Variants in SFTPA1 observed in about 807,000 individuals in gnomAD.
SFTPA1 encodes the protein pulmonary surfactant-associated protein A1.
In SFTPA1, 13 loss-of-function variants were observed where a neutral mutation model predicts 19.1. The observed-to-expected ratio is 0.68, with a 90% CI of 0.44 to 1.08. The LOEUF is 1.08. Among genes scored for constraint, SFTPA1 ranks in the 50% least tolerant of loss-of-function variants. SFTPA1 has a pLI of 0.00. For missense variants in SFTPA1, 259 were observed against 316.4 expected (o/e 0.82, Z 1.38); for synonymous variants, 101 against 117.0 (o/e 0.86, Z 0.88).
At position 79,614,889 on chromosome 10, in the gene SFTPA1, T is replaced by C. The variant is rs1860079317; in HGVS notation, c.*776T>C. On this transcript the variant is annotated 3_prime_UTR_variant, in exon 6 of 6. Transcript: ENST00000398636. Reference sequence around the variant, plus strand: ...ACCCTACTTCAGATTTCAGTGGGCATTCACACCACCCCCCACACCACTGGC... The same window carrying C: ...ACCCTACTTCAGATTTCAGTGGGCACTCACACCACCCCCCACACCACTGGC... 10 of 905,472 alleles carry C rather than the reference T, an allele frequency of 1.1e-5. No homozygotes were observed. The highest frequency in any genetic ancestry group is 1.1e-5 in the Non-Finnish European group (7 of 654,102). 56.1% of individuals were successfully genotyped at this position (905,472 alleles called of 1,614,324 possible). A position where few individuals can be genotyped will look rare whatever the true frequency, so the allele number is the denominator to read the frequency against.
At chr10:79,613,662 G>A in intron 5 of SFTPA1, 75 bp from the exon 6 acceptor site, 1 of 1,611,022 alleles carries the variant, frequency 6.2e-7, no homozygotes, top group South Asian at 1.1e-5. Context: ...GAATCTGGTA[G>A]CAGAGACCCC....
Position 79,613,939 on chromosome 10 carries a change from G to C in SFTPA1, c.573G>C (p.Glu191Asp). The C allele has an allele frequency of 6.2e-7, 1 of 1,614,090 alleles. No homozygotes were observed. The highest frequency in any genetic ancestry group is 1.3e-5 in the African/African-American group (1 of 75,046). Residue 191 changes from glutamate to aspartate, a missense_variant, in exon 6 of 6, where the codon GAG becomes GAC. Coordinates refer to ENST00000398636, the MANE Select transcript of SFTPA1 (RefSeq NM_005411.5). The stretch of plus-strand genomic sequence containing the variant: ...CATATGCCTATGTAGGCCTGACTGA[G>C]GGTCCCAGCCCTGGAGACTTCCGCT... ...YNTYAYVGLT[E>D]GPSPGDFRYS...
chr10:79,614,335 A>C lies in SFTPA1; in HGVS notation c.*222A>C. The C allele has an allele frequency of 5.7e-6, 4 of 704,582 alleles. No individual in the cohort carries two copies. The South Asian group carries it at 7.7e-5, about 14-fold the overall frequency. 43.6% of individuals were successfully genotyped at this position (704,582 alleles called of 1,614,324 possible). A position where few individuals can be genotyped will look rare whatever the true frequency, so the allele number is the denominator to read the frequency against. On this transcript the variant is annotated 3_prime_UTR_variant, in exon 6 of 6. Coordinates refer to ENST00000398636, the MANE Select transcript of SFTPA1 (RefSeq NM_005411.5). ...CACTCCCCTTGCAAACTCTCCCAGC[A>C]CTGCACCCCAGGCAGCCACTCTTAG...
rs781220274 is a variant in SFTPA1 at position 79,611,858 on chromosome 10, C to T, written c.33C>T (p.Ile11=). The T allele has an allele frequency of 6.2e-7, 1 of 1,614,030 alleles. No homozygotes were observed. The stretch of plus-strand genomic sequence containing the variant: ...TGTGCCCTCTGGCCCTCAACCTCAT[C>T]TTGATGGCAGCCTCTGGTGCTGTGT... MWLCPLALNL[I]LMAASGAVCE... is the part of the protein sequence containing the mutation. Residue 11 remains isoleucine (I), a synonymous_variant, in exon 3 of 6, where the codon ATC becomes ATT. Transcript: ENST00000398636.
chr10:79,615,178 A>G lies in SFTPA1; in HGVS notation c.*1065A>G. 9.6e-7 allele frequency: 1 copy of G among 1,045,182 alleles called. No homozygotes were observed. Among genetic ancestry groups the G allele is most frequent in the Non-Finnish European group, 1.3e-6 (1 of 773,718 alleles). The allele number at this position is 1,045,182 out of a possible 1,614,324, so 64.7% of individuals were successfully genotyped here. On this transcript the variant is annotated 3_prime_UTR_variant, in exon 6 of 6. Coordinates refer to ENST00000398636, the MANE Select transcript of SFTPA1 (RefSeq NM_005411.5). ...ATTGACTGAGCACCTATCATTTGCC[A>G]AGAACCTTGACAAGCACTTCTAATA...
Position 79,614,866 on chromosome 10 carries a change from C to A in SFTPA1, c.*753C>A. Reference sequence around the variant, plus strand: ...TTTCAACTGATGAACAAATCTGCACCCTACTTCAGATTTCAGTGGGCATTC... The same window carrying A: ...TTTCAACTGATGAACAAATCTGCACACTACTTCAGATTTCAGTGGGCATTC... On this transcript the variant is annotated 3_prime_UTR_variant, in exon 6 of 6. Coordinates refer to ENST00000398636, the MANE Select transcript of SFTPA1 (RefSeq NM_005411.5). The A allele has an allele frequency of 1.5e-6, 1 of 677,656 alleles. No individual in the cohort carries two copies. The highest frequency in any genetic ancestry group is 2.2e-6 in the Non-Finnish European group (1 of 448,928). 42.0% of individuals were successfully genotyped at this position (677,656 alleles called of 1,614,324 possible).
At chr10:79,611,528 G>A (rs538894097) in intron 2 of SFTPA1, 139 bp downstream of exon 2, 2 of 1,494,716 alleles carry the variant, frequency 1.3e-6, no homozygotes, top group Non-Finnish European at 1.8e-6. Flanking sequence ...GACTGCACTG[G>A]AGCCCAGGTC....
At chr10:79,612,150 G>C (rs906790393) in intron 3 of SFTPA1, among the ~76,000 whole-genome samples, 153 bp downstream of exon 3, 1 of 152,168 alleles carries the variant, frequency 6.6e-6, no homozygotes, top group East Asian at 1.9e-4. Context: ...GGGTTCCTGG[G>C]GCCCTTATGA....
At position 79,614,143 on chromosome 10, in the gene SFTPA1, C is replaced by A; in HGVS notation, c.*30C>A. ...CATTTAGGCCATGGGACAGGGAGGA[C>A]GCTCTCTGGCCTTCGGCCTCCATCC... On this transcript the variant is annotated 3_prime_UTR_variant, in exon 6 of 6. Transcript: ENST00000398636. 6.2e-7 allele frequency: 1 copy of A among 1,614,200 alleles called. No individual in the cohort carries two copies. The highest frequency in any genetic ancestry group is 8.5e-7 in the Non-Finnish European group (1 of 1,180,026).
In SFTPA1 at chr10:79,612,164, C is replaced by T. The variant is rs528272397; in HGVS notation, c.173-148C>T. On this transcript the variant is annotated intron_variant, in intron 3 of 5. Transcript: ENST00000398636. Reference sequence around the variant, plus strand: ...TGGGTTCCTGGGGCCCTTATGATGGCGCATCCTGGAGAGTCTGTCCTCATA... The same window carrying T: ...TGGGTTCCTGGGGCCCTTATGATGGTGCATCCTGGAGAGTCTGTCCTCATA... 1,727 of 1,590,704 alleles carry T rather than the reference C, an allele frequency of 1.1e-3. 2 individuals are homozygous for T. Among genetic ancestry groups the T allele is most frequent in the Non-Finnish European group, 1.3e-3 (1,511 of 1,166,734 alleles).
chr10:79,611,984 C>A lies in SFTPA1; in HGVS notation c.159C>A (p.Asp53Glu). The A allele has an allele frequency of 6.2e-7, 1 of 1,613,170 alleles. No individual in the cohort carries two copies. Among genetic ancestry groups the A allele is most frequent in the Non-Finnish European group, 8.5e-7 (1 of 1,179,420 alleles). ...ACGGGAGAGATGGTCTCAAAGGAGA[C>A]CCTGGCCCTCCAGGTACTGTGCTGC... ...GRDGRDGLKG[D>E]PGPPGPMGPP... Residue 53 changes from aspartate (D) to glutamate (E), a missense_variant, in exon 3 of 6, where the codon GAC becomes GAA. Asp to Glu is a conservative substitution (Grantham distance 45). Coordinates refer to ENST00000398636, the MANE Select transcript of SFTPA1 (RefSeq NM_005411.5).
chr10:79,613,138 T>G (rs991773324), intron 4 of SFTPA1, 51 bp from the exon 5 acceptor site: 6 of 1,613,380 alleles, frequency 3.7e-6, no homozygotes, highest in Non-Finnish European at 5.1e-6. Flanking sequence ...TGGCAGCAAG[T>G]GGGAGTCTTC....
chr10:79,614,362 C>A lies in SFTPA1; in HGVS notation c.*249C>A, dbSNP rs4253529. The A allele has an allele frequency of 0.2, 124,704 of 622,104 alleles. 15,669 individuals are homozygous for A. Among genetic ancestry groups the A allele is most frequent in the East Asian group, 0.48 (16,671 of 34,916 alleles). 38.5% of individuals were successfully genotyped at this position (622,104 alleles called of 1,614,324 possible). ...TGCACCCCAGGCAGCCACTCTTAGC[C>A]TTGGCCTTCGACATGAGATGGAGCC... On this transcript the variant is annotated 3_prime_UTR_variant, in exon 6 of 6. Transcript: ENST00000398636.
chr10:79,611,537 T>C (rs1859844511), intron 2 of SFTPA1, 148 bp downstream of exon 2: 2 of 1,503,544 alleles, frequency 1.3e-6, no homozygotes, highest in South Asian at 1.2e-5. Flanking sequence ...GGAGCCCAGG[T>C]CCCCGGGCTC....
chr10:79,613,365 G>T (rs991719567), intron 5 of SFTPA1, 99 bp downstream of exon 5: 5 of 1,546,664 alleles, frequency 3.2e-6, no homozygotes, highest in Non-Finnish European at 3.6e-6. Flanking sequence ...AAATAGGCAT[G>T]CACATGCAGG....
In SFTPA1 at chr10:79,613,773, A is replaced by T; in HGVS notation, c.407A>T (p.Glu136Val). 6.2e-7 allele frequency: 1 copy of T among 1,613,894 alleles called. No homozygotes were observed. The highest frequency in any genetic ancestry group is 8.5e-7 in the Non-Finnish European group (1 of 1,179,838). The change falls in exon 6 of 6, where the codon GAG becomes GTG. Residue 136 changes from glutamate (E) to valine (V), a missense_variant. Physicochemically the swap from Glu to Val is moderately radical, Grantham distance 121. Transcript: ENST00000398636. ...CAGGGCTCCATAATGACAGTAGGAG[A>T]GAAGGTCTTCTCCAGCAATGGGCAG... The part of the protein sequence containing the change: ...SLQGSIMTVG[E>V]KVFSSNGQSI...
intron 2 of SFTPA1, 49 bp from the exon 3 acceptor site, chr10:79,611,754 G>A (rs763377793): frequency 1.3e-5 from 21 of 1,613,248 alleles, no homozygotes; most frequent in African/African-American, 8.0e-5. Flanking sequence ...CACAGTGGGG[G>A]AGATGTTGGC....
rs72659389 is a variant in SFTPA1 at position 79,611,839 on chromosome 10, C to T, written c.14C>T (p.Pro5Leu). The T allele has an allele frequency of 1.2e-3, 1,973 of 1,614,022 alleles. 3 individuals carry two copies. Among genetic ancestry groups the T allele is most frequent in the Non-Finnish European group, 1.6e-3 (1,895 of 1,179,866 alleles). The change falls in exon 3 of 6, where the codon CCT becomes CTT. Residue 5 changes from proline to leucine, a missense_variant. Coordinates refer to ENST00000398636, the MANE Select transcript of SFTPA1 (RefSeq NM_005411.5). Reference sequence around the variant, plus strand: ...GGACCCAGAGCCATGTGGCTGTGCCCTCTGGCCCTCAACCTCATCTTGATG... The same window carrying T: ...GGACCCAGAGCCATGTGGCTGTGCCTTCTGGCCCTCAACCTCATCTTGATG... Reference protein sequence around the residue: MWLCPLALNLILMAA... With the variant: MWLCLLALNLILMAA...
Position 79,613,263 on chromosome 10 carries a change from G to T in SFTPA1, c.367G>T (p.Gly123Ter). The T allele has an allele frequency of 6.2e-7, 1 of 1,614,080 alleles. No homozygotes were observed. Among genetic ancestry groups the T allele is most frequent in the South Asian group, 1.1e-5 (1 of 91,068 alleles). ...TAGACATCAAATCCTGCAGACAAGG[G>T]GAGGTAAGGGGACCCCCTGGGCCTC... ...DFRHQILQTR[G>*]ALSLQGSIMT... Residue 123 changes from glycine to a stop codon, truncating the protein, a stop_gained, in exon 5 of 6, where the codon GGA becomes TGA. Coordinates refer to ENST00000398636, the MANE Select transcript of SFTPA1 (RefSeq NM_005411.5). LOFTEE classifies it low-confidence loss of function (END_TRUNC).
Sources: gnomAD v4.1 joint callset for allele counts (sites outside exome capture counted in the v4.1 genomes callset) on GRCh38, gnomAD v4.1.1 for gene constraint, MANE v1.5 for transcripts, NCBI Gene and HGNC (gene_info 2026-07-23, HGNC 2026-07-21) for gene names.